The following MMP26 variants were observed in gnomAD, a reference collection of about 807,000 sequenced individuals.
The protein encoded by MMP26 is matrix metallopeptidase 26, also known as matrix metalloproteinase-26.
In MMP26, 33 loss-of-function variants were observed where a neutral mutation model predicts 31.0. That is an observed-to-expected ratio of 1.06 (90% CI 0.81 to 1.42). The LOEUF is 1.42. Ranked by LOEUF, MMP26 falls within the 40% of genes most tolerant of loss-of-function variation. The pLI, the probability that MMP26 is intolerant of heterozygous loss-of-function variation, is 0.00. For synonymous variants in MMP26, 122 were observed against 114.9 expected, an observed-to-expected ratio of 1.06 and a Z score of -0.40; for missense variants, 347 against 316.1, an observed-to-expected ratio of 1.10 and a Z score of -0.74.
At chr11:4,801,393 G>A (rs1420661923) in intron 2 of MMP26, among the ~76,000 whole-genome samples, 1 of 152,128 alleles carries the variant, frequency 6.6e-6, no homozygotes, top group Non-Finnish European at 1.5e-5. Flanking sequence ...GCTTGTTTTT[G>A]GTGAGGCCTC....
intron 2 of MMP26, among the ~76,000 whole-genome samples, chr11:4,917,905 A>G: frequency 6.6e-6 from 1 of 151,914 alleles, no homozygotes; most frequent in East Asian, 2.0e-4. Context: ...CAGTAATTCT[A>G]TTTCTTTCTT....
intron 2 of MMP26, among the ~76,000 whole-genome samples, chr11:4,902,952 T>G (rs1850825610): frequency 6.6e-6 from 1 of 151,964 alleles, no homozygotes; most frequent in Non-Finnish European, 1.5e-5. Context: ...TTAAAATTAT[T>G]TTATTATTAA....
chr11:4,803,185 A>G (rs1401190913), intron 2 of MMP26, among the ~76,000 whole-genome samples: 1 of 152,196 alleles, frequency 6.6e-6, no homozygotes, highest in African/African-American at 2.4e-5. Flanking sequence ...AGGTAAAACT[A>G]CTTTTATTGT....
In MMP26 at chr11:4,962,916, G is replaced by A. The variant is rs145642867; in HGVS notation, c.-144-25152G>A. 4.9e-3 allele frequency among the ~76,000 whole-genome samples: 740 copies of A among 152,282 alleles called. 4 individuals are homozygous for A. Among genetic ancestry groups the A allele is most frequent in the African/African-American group, 0.017 (702 of 41,556 alleles). ...TAAATAGTTGAGCCCACATGTCAAA[G>A]TACAGGGGAAATAGAAACAGAACAC... On this transcript the variant is annotated intron_variant, in intron 2 of 7. Coordinates refer to ENST00000380390, the MANE Select transcript of MMP26 (RefSeq NM_021801.5).
chr11:4,784,260 C>T (rs997699464), intron 2 of MMP26, among the ~76,000 whole-genome samples: 2 of 152,180 alleles, frequency 1.3e-5, no homozygotes, highest in East Asian at 1.9e-4. Context: ...AGCTTGGTTT[C>T]TTCACATCAT....
At chr11:4,759,560 T>C (rs1037077709) in intron 1 of MMP26, among the ~76,000 whole-genome samples, 3 of 152,200 alleles carry the variant, frequency 2.0e-5, no homozygotes, top group Non-Finnish European at 4.4e-5. Context: ...ATTTTCAAGG[T>C]AATAAACAAT....
At chr11:4,941,726 G>A (rs1291285623) in intron 2 of MMP26, among the ~76,000 whole-genome samples, 1 of 134,908 alleles carries the variant, frequency 7.4e-6, no homozygotes, top group Non-Finnish European at 1.6e-5. Flanking sequence ...TGTTTGGGAG[G>A]TTATTCATTT....
intron 2 of MMP26, among the ~76,000 whole-genome samples, chr11:4,796,816 T>G (rs1346348272): frequency 1.3e-5 from 2 of 152,072 alleles, no homozygotes; most frequent in Non-Finnish European, 2.9e-5. Flanking sequence ...CCTAAGGCAA[T>G]CTCAGCCCTA....
chr11:4,848,169 G>C, intron 2 of MMP26: 1 of 1,483,412 alleles, frequency 6.7e-7, no homozygotes, highest in Non-Finnish European at 9.1e-7. Context: ...CATGCTTGGT[G>C]AGCTGAGTTC....
chr11:4,796,803 A>G (rs1357713494), intron 2 of MMP26, among the ~76,000 whole-genome samples: 1 of 152,078 alleles, frequency 6.6e-6, no homozygotes, highest in Admixed American at 6.6e-5. Flanking sequence ...CTCCTTTGCT[A>G]TACCTAAGGC....
chr11:4,958,267 C>T (rs11600505), intron 2 of MMP26, among the ~76,000 whole-genome samples: 22,219 of 152,112 alleles, frequency 0.15, 1,707 homozygotes, highest in South Asian at 0.18. Flanking sequence ...GACAATTTTT[C>T]GAAATAATTC....
chr11:4,868,617 G>A (rs537748355), intron 2 of MMP26, among the ~76,000 whole-genome samples: 1 of 152,160 alleles, frequency 6.6e-6, no homozygotes, highest in African/African-American at 2.4e-5. Flanking sequence ...AGGAAGAATC[G>A]ATATCACGAA....
chr11:4,822,022 G>C (rs1306940722), intron 2 of MMP26: 2 of 1,613,836 alleles, frequency 1.2e-6, no homozygotes, highest in Non-Finnish European at 8.5e-7. Flanking sequence ...CAGCATCCTT[G>C]GTCTGTTTGC....
intron 1 of MMP26, among the ~76,000 whole-genome samples, chr11:4,727,037 C>T (rs1430107158): frequency 6.6e-6 from 1 of 151,744 alleles, no homozygotes; most frequent in African/African-American, 2.4e-5. Context: ...AAACAAAAAA[C>T]AAAAATCCGT....
chr11:4,772,337 T>G (rs1410638080), intron 2 of MMP26, among the ~76,000 whole-genome samples: 2 of 152,164 alleles, frequency 1.3e-5, no homozygotes, highest in African/African-American at 4.8e-5. Flanking sequence ...GGATTATAAG[T>G]GTACTGGCAA....
At chr11:4,942,273 ATTTG>A (rs1043907333) in intron 2 of MMP26, among the ~76,000 whole-genome samples, 4 of 151,552 alleles carry the variant, frequency 2.6e-5, no homozygotes, top group South Asian at 2.1e-4. Context: ...ATTATACTAC[ATTTG>A]TTTGTTTGTT....
chr11:4,851,160 T>A (rs1849970380), intron 2 of MMP26, among the ~76,000 whole-genome samples: 1 of 152,184 alleles, frequency 6.6e-6, no homozygotes, highest in African/African-American at 2.4e-5. Flanking sequence ...GACTGAACTT[T>A]GGAAAATAAC....
At chr11:4,753,423 A>G (rs954493888) in intron 1 of MMP26, among the ~76,000 whole-genome samples, 2 of 152,050 alleles carry the variant, frequency 1.3e-5, no homozygotes, top group African/African-American at 2.4e-5. Flanking sequence ...GATGTTTACC[A>G]CTTACTCTCT....
intron 2 of MMP26, chr11:4,848,869 C>A (rs1037514049): frequency 6.2e-7 from 1 of 1,614,174 alleles, no homozygotes; most frequent in Admixed American, 1.7e-5. Context: ...ACAGAAAAGA[C>A]ATGGATAAAA....
Sources: gnomAD v4.1 joint callset for allele counts (sites outside exome capture counted in the v4.1 genomes callset) on GRCh38, gnomAD v4.1.1 for gene constraint, MANE v1.5 for transcripts, NCBI Gene and HGNC (gene_info 2026-07-23, HGNC 2026-07-21) for gene names.